Variants in USP49 observed in about 807,000 individuals in gnomAD.
USP49 encodes ubiquitin carboxyl-terminal hydrolase 49.
In USP49, 24 loss-of-function variants were observed where a neutral mutation model predicts 58.6. The ratio of observed to expected loss-of-function variants is 0.41; its 90% CI spans 0.30 to 0.58. The LOEUF is 0.58. USP49 is among the 20% of genes least tolerant of loss of function. The pLI is 0.30. For synonymous variants in USP49, 408 were observed against 365.1 expected, an observed-to-expected ratio of 1.12 and a Z score of -1.34; for missense variants, 703 against 866.1, an observed-to-expected ratio of 0.81 and a Z score of 2.36.
chr6:41,843,411 C>T (rs189155086), intron 3 of USP49, among the ~76,000 whole-genome samples: 1 of 151,940 alleles, frequency 6.6e-6, no homozygotes, highest in Non-Finnish European at 1.5e-5. Context: ...ATAAGCATTG[C>T]GTATGTCGGA....
chr6:41,850,428 G>A (rs1304367209), intron 3 of USP49, among the ~76,000 whole-genome samples: 1 of 149,760 alleles, frequency 6.7e-6, no homozygotes, highest in African/African-American at 2.5e-5. Context: ...GGGCAACAGA[G>A]TGAGACTCAG....
chr6:41,799,034 G>A, intron 6 of USP49, 105 bp from the exon 7 acceptor site: 3 of 1,435,868 alleles, frequency 2.1e-6, no homozygotes, highest in Non-Finnish European at 9.2e-7. Flanking sequence ...TAACCTTCTG[G>A]TTTTGGTTTT....
At chr6:41,837,835 C>T (rs1466157017) in intron 3 of USP49, among the ~76,000 whole-genome samples, 1 of 152,098 alleles carries the variant, frequency 6.6e-6, no homozygotes, top group East Asian at 1.9e-4. Flanking sequence ...ATATGGTGGC[C>T]AACAAGCATA....
chr6:41,802,460 A>ATTTTTTTTTTTTTT (rs71545916), intron 5 of USP49, among the ~76,000 whole-genome samples: 3 of 71,398 alleles, frequency 4.2e-5, no homozygotes, highest in East Asian at 3.6e-4. Flanking sequence ...TTATTTATTT[A>ATTTTTTTTTTTTTT]TTTATTTATT....
intron 3 of USP49, among the ~76,000 whole-genome samples, chr6:41,844,752 T>G (rs1773891702): frequency 8.7e-6 from 1 of 115,044 alleles, no homozygotes; most frequent in Admixed American, 7.9e-5. Flanking sequence ...TTGACCTATT[T>G]CTTTATGAAT....
chr6:41,842,104 C>T (rs1053319159), intron 3 of USP49, among the ~76,000 whole-genome samples: 6 of 151,696 alleles, frequency 4.0e-5, no homozygotes, highest in Admixed American at 1.3e-4. Context: ...GCATTCCTTC[C>T]AGCTGATGAA....
At chr6:41,807,881 C>G (rs1238163049) in intron 3 of USP49, among the ~76,000 whole-genome samples, 1 of 151,522 alleles carries the variant, frequency 6.6e-6, no homozygotes, top group Non-Finnish European at 1.5e-5. Flanking sequence ...TCAAGCGATT[C>G]TCCTGCCTCA....
At chr6:41,877,489 GAC>G (rs1325683735) in intron 2 of USP49, among the ~76,000 whole-genome samples, 4 of 151,954 alleles carry the variant, frequency 2.6e-5, no homozygotes, top group Non-Finnish European at 5.9e-5. Context: ...GTGTCCTGTT[GAC>G]ACAGCATAGT....
At chr6:41,848,214 A>G (rs1186607637) in intron 3 of USP49, among the ~76,000 whole-genome samples, 1 of 152,198 alleles carries the variant, frequency 6.6e-6, no homozygotes, top group African/African-American at 2.4e-5. Flanking sequence ...TAGAATATAT[A>G]TAATAGGAAA....
At chr6:41,867,813 T>C (rs1179612826) in intron 3 of USP49, among the ~76,000 whole-genome samples, 1 of 152,122 alleles carries the variant, frequency 6.6e-6, no homozygotes, top group African/African-American at 2.4e-5. Context: ...CTTTAGCTAG[T>C]TAGGTGATTT....
intron 2 of USP49, among the ~76,000 whole-genome samples, chr6:41,889,664 A>G (rs1029102954): frequency 2.0e-5 from 3 of 152,218 alleles, no homozygotes; most frequent in Non-Finnish European, 4.4e-5. Context: ...ACAAGACCAT[A>G]AAAACACAAA....
In USP49 at chr6:41,806,307, G is replaced by C. The variant is rs778351076; in HGVS notation, c.677C>G (p.Pro226Arg). 65 of 1,581,254 alleles carry C rather than the reference G, an allele frequency of 4.1e-5. No individual in the cohort carries two copies. The highest frequency in any genetic ancestry group is 5.4e-5 in the Non-Finnish European group (63 of 1,169,760). Reference protein sequence around the residue: ...PRDAGPAASRPAALPTSRRVP... With the variant: ...PRDAGPAASRRAALPTSRRVP... ...TCTGCGTGAGGTAGGGAGGGCGGCG[G>C]GGCGCGAGGCAGCCGGGCCCGCGTC... Residue 226 changes from proline to arginine, a missense_variant, in exon 4 of 8, where the codon CCC (proline) becomes CGC (arginine). This residue lies in a region of USP49 where 376 missense variants were observed against 373.5 expected (regional missense o/e 1.01). Coordinates refer to ENST00000682992, the MANE Select transcript of USP49 (RefSeq NM_001286554.2). This position sits in a 1 kb window ranked among gnomAD's most constrained non-coding sequence, Gnocchi z 5.9.
At chr6:41,888,545 C>G (rs1774756914) in intron 2 of USP49, among the ~76,000 whole-genome samples, 1 of 152,180 alleles carries the variant, frequency 6.6e-6, no homozygotes, top group South Asian at 2.1e-4. Context: ...CCTCTGCCTC[C>G]CGGATTCAAG....
At chr6:41,817,149 G>GTTT (rs1773366429) in intron 3 of USP49, among the ~76,000 whole-genome samples, 1 of 69,660 alleles carries the variant, frequency 1.4e-5, no homozygotes. Flanking sequence ...TCCCACGCAT[G>GTTT]CTTTTTTTTT....
chr6:41,798,797 G>A lies in USP49; in HGVS notation c.1803C>T (p.Ser601=), dbSNP rs573284221. The A allele has an allele frequency of 3.4e-5, 55 of 1,613,878 alleles. No individual in the cohort carries two copies. The highest frequency in any genetic ancestry group is 1.8e-4 in the East Asian group (8 of 44,856). Residue 601 remains serine (S), a synonymous_variant, in exon 7 of 8, where the codon TCC becomes TCT. Transcript: ENST00000682992. ...LDKETFAYDL[S]AVVMHHGKGF... Reference sequence around the variant, plus strand: ...CTTTCCCGTGATGCATGACCACTGCGGAGAGATCATAGGCAAAGGTCTCTT... The same window carrying A: ...CTTTCCCGTGATGCATGACCACTGCAGAGAGATCATAGGCAAAGGTCTCTT...
At chr6:41,809,687 G>A (rs1004699200) in intron 3 of USP49, among the ~76,000 whole-genome samples, 2 of 151,614 alleles carry the variant, frequency 1.3e-5, no homozygotes, top group Non-Finnish European at 2.9e-5. Flanking sequence ...TTAGCCAGGC[G>A]TGGTGGTGGG....
At position 41,796,560 on chromosome 6, in the gene USP49, A is replaced by G. The variant is rs1003997418; in HGVS notation, c.2040T>C (p.Asp680=). The change falls in exon 8 of 8, where the codon GAT becomes GAC. Residue 680 remains aspartate (D), a synonymous_variant. Transcript: ENST00000682992. ...LQAQVQSSNN[D]EGRPQTFS ...AGGAAAATGTCTGTGGTCTGCCTTC[A>G]TCATTGTTGCTGGACTGCACCTGAG... The G allele has an allele frequency of 1.4e-6, 1 of 717,452 alleles. No homozygotes were observed. The highest frequency in any genetic ancestry group is 2.6e-6 in the Non-Finnish European group (1 of 385,086). The allele number at this position is 717,452 out of a possible 1,614,324, so 44.4% of individuals were successfully genotyped here. A position where few individuals can be genotyped will look rare whatever the true frequency, so the allele number is the denominator to read the frequency against.
At chr6:41,888,929 C>T (rs1442063155) in intron 2 of USP49, among the ~76,000 whole-genome samples, 2 of 152,036 alleles carry the variant, frequency 1.3e-5, no homozygotes, top group African/African-American at 4.8e-5. Context: ...GAAAAGACTC[C>T]CAAAATTTAG....
rs951070632 is a variant in USP49, at chr6:41,813,860, G to C, written c.-28-6849C>G. Reference sequence around the variant, plus strand: ...CAACAAACAAAATAGAGAATAAAGAGAATACCACCTCAGGTATACTCGGGT... The same window carrying C: ...CAACAAACAAAATAGAGAATAAAGACAATACCACCTCAGGTATACTCGGGT... On this transcript the variant is annotated intron_variant, in intron 3 of 7. Transcript: ENST00000682992. Among the ~76,000 whole-genome samples, 5 of 152,258 alleles carry C rather than the reference G, an allele frequency of 3.3e-5. No homozygotes were observed. The East Asian group carries it at 9.6e-4, about 29-fold the overall frequency.
Sources: allele counts gnomAD v4.1 joint callset (sites outside exome capture counted in the v4.1 genomes callset), GRCh38; gene constraint gnomAD v4.1.1; regional missense constraint gnomAD v4.1.1; non-coding constraint Gnocchi (gnomAD v3.1); transcripts MANE v1.5; gene names NCBI Gene and HGNC (gene_info 2026-07-23, HGNC 2026-07-21).